The following OPHN1 variants were observed in gnomAD, a reference collection of about 807,000 sequenced individuals.
OPHN1 encodes the protein oligophrenin 1, also known as oligophrenin-1.
A neutral mutation model predicts 60.7 loss-of-function variants in OPHN1; 11 were observed. The observed-to-expected ratio is 0.18, with a 90% CI of 0.11 to 0.30. The LOEUF is 0.30. Ranked by LOEUF, OPHN1 falls within the 10% of genes least tolerant of loss-of-function variation. The pLI is 1.00. For missense variants in OPHN1, 449 were observed against 611.0 expected (o/e 0.73, Z 2.80); for synonymous variants, 226 against 222.6 (o/e 1.02, Z -0.14).
intron 2 of OPHN1, among the ~76,000 whole-genome samples, chrX:68,300,440 A>T (rs2078114558): frequency 8.9e-6 from 1 of 112,562 alleles, no homozygotes; most frequent in African/African-American, 3.2e-5. Flanking sequence ...TAACTCTTTG[A>T]ACGAATCACT....
chrX:68,093,167 G>A (rs752507646), intron 19 of OPHN1, among the ~76,000 whole-genome samples: 1 of 110,379 alleles, frequency 9.1e-6, no homozygotes, highest in Non-Finnish European at 1.9e-5. Flanking sequence ...CTTACTTCAG[G>A]TACCCATTTG....
At chrX:68,193,129 G>A in intron 14 of OPHN1, 136 bp from the exon 15 acceptor site, 1 of 524,333 alleles carries the variant, frequency 1.9e-6, no homozygotes, top group Non-Finnish European at 3.5e-6. Context: ...CTGTAACAGG[G>A]GAATAGTCCT....
chrX:68,322,126 G>A (rs1046225094), intron 2 of OPHN1, among the ~76,000 whole-genome samples: 1 of 109,872 alleles, frequency 9.1e-6, no homozygotes, highest in African/African-American at 3.3e-5. Flanking sequence ...GTACATCACT[G>A]GACCCAGCTA....
chrX:68,410,292 C>T (rs890091394), intron 2 of OPHN1, among the ~76,000 whole-genome samples: 1 of 110,823 alleles, frequency 9.0e-6, no homozygotes, highest in South Asian at 3.9e-4. Context: ...ACCAAGGTGC[C>T]GGTAAATTAG....
chrX:68,133,106 C>G (rs972325106), intron 15 of OPHN1: 5 of 579,695 alleles, frequency 8.6e-6, no homozygotes, highest in Non-Finnish European at 1.5e-5. Context: ...GAACATAAAA[C>G]TAGAATACAG....
Position 68,384,720 on chromosome X carries a change from T to C in OPHN1, c.154+48147A>G, listed in dbSNP as rs377064177. On this transcript the variant is annotated intron_variant, in intron 2 of 24. Coordinates refer to ENST00000355520, the MANE Select transcript of OPHN1 (RefSeq NM_002547.3). ...CTGGGCGACAGAGGGAGACTCCATC[T>C]CAAAAAAAAAAAAAGAAGAAGAATA... 9.8e-5 allele frequency among the ~76,000 whole-genome samples: 9 copies of C among 92,044 alleles called. No homozygotes were observed. The South Asian group carries it at 3.8e-3, about 39-fold the overall frequency. The allele number at this position is 92,044 out of a possible 115,157, so 79.9% of individuals were successfully genotyped here. A position where few individuals can be genotyped will look rare whatever the true frequency, so the allele number is the denominator to read the frequency against.
chrX:68,209,023 G>C (rs908596678), intron 9 of OPHN1, among the ~76,000 whole-genome samples: 1 of 112,362 alleles, frequency 8.9e-6, no homozygotes, highest in Non-Finnish European at 1.9e-5. Flanking sequence ...GCAAAGAAAA[G>C]TGTGATAATT....
chrX:68,340,899 G>A (rs2078347886), intron 2 of OPHN1, among the ~76,000 whole-genome samples: 1 of 107,675 alleles, frequency 9.3e-6, no homozygotes. Flanking sequence ...CAGCTACTCG[G>A]AGAGGCTGAG....
chrX:68,161,521 G>A (rs1435406679), intron 15 of OPHN1, among the ~76,000 whole-genome samples: 2 of 110,454 alleles, frequency 1.8e-5, no homozygotes, highest in Non-Finnish European at 3.8e-5. Context: ...AAAGTCAAAG[G>A]TCAATTAAAT....
At chrX:68,119,712 G>A (rs1256587451) in intron 15 of OPHN1, among the ~76,000 whole-genome samples, 6 of 111,418 alleles carry the variant, frequency 5.4e-5, no homozygotes, top group Non-Finnish European at 1.1e-4. Flanking sequence ...CACTGGGATA[G>A]GATAACCTAA....
At chrX:68,416,033 A>AATATAT (rs1163304135) in intron 2 of OPHN1, among the ~76,000 whole-genome samples, 30 of 29,741 alleles carry the variant, frequency 1.0e-3, no homozygotes, top group Non-Finnish European at 1.5e-3. Flanking sequence ...AAAATTATAT[A>AATATAT]ATATATATAT....
chrX:68,433,705 T>G (rs2078897869), upstream of OPHN1: 1 of 295,552 alleles, frequency 3.4e-6, no homozygotes. Flanking sequence ...CGGCCGGCCG[T>G]CCTTTTAGGC....
intron 19 of OPHN1, among the ~76,000 whole-genome samples, chrX:68,073,860 T>C (rs2147371651): frequency 8.9e-6 from 1 of 112,527 alleles, no homozygotes; most frequent in African/African-American, 3.2e-5. Flanking sequence ...AACAACTGTG[T>C]TTTCCCTCCT....
chrX:68,070,752 C>T (rs2076930616), intron 20 of OPHN1: 1 of 1,128,727 alleles, frequency 8.9e-7, no homozygotes, highest in African/African-American at 1.8e-5. Context: ...TTCAAATACC[C>T]CCCACAGGAC....
intron 15 of OPHN1, among the ~76,000 whole-genome samples, chrX:68,168,569 C>A (rs1488515510): frequency 9.0e-6 from 1 of 110,966 alleles, no homozygotes; most frequent in East Asian, 2.8e-4. Flanking sequence ...CTAAAATTGA[C>A]ACCTTAACAT....
intron 19 of OPHN1, among the ~76,000 whole-genome samples, chrX:68,080,963 T>A (rs2076972003): frequency 9.0e-6 from 1 of 111,445 alleles, no homozygotes. Context: ...TCCCACAGCA[T>A]CCAATGCACA....
chrX:68,332,655 C>T (rs1193428842), intron 2 of OPHN1, among the ~76,000 whole-genome samples: 1 of 111,507 alleles, frequency 9.0e-6, no homozygotes, highest in Non-Finnish European at 1.9e-5. Flanking sequence ...CAAGGGAAAA[C>T]TCCAGTTCTT....
chrX:68,210,800 G>C (rs1257902708), intron 8 of OPHN1, among the ~76,000 whole-genome samples: 1 of 111,502 alleles, frequency 9.0e-6, no homozygotes, highest in Non-Finnish European at 1.9e-5. Flanking sequence ...AAAACCTAAT[G>C]ATGAGAATAA....
intron 19 of OPHN1, among the ~76,000 whole-genome samples, chrX:68,085,240 C>A (rs1381794059): frequency 5.3e-5 from 6 of 112,193 alleles, no homozygotes; most frequent in Non-Finnish European, 9.4e-5. Flanking sequence ...AAGCACACTG[C>A]TGCCTTGGGC....
Sources: allele counts gnomAD v4.1 joint callset (sites outside exome capture counted in the v4.1 genomes callset), GRCh38; gene constraint gnomAD v4.1.1; transcripts MANE v1.5; gene names NCBI Gene and HGNC (gene_info 2026-07-23, HGNC 2026-07-21).